KCNMA1: variants seen among roughly 807,000 people sequenced by gnomAD.
KCNMA1 encodes potassium calcium-activated channel subfamily M alpha 1.
Under a neutral mutation model 140.0 loss-of-function variants are expected in KCNMA1, and 29 were observed. That is an observed-to-expected ratio of 0.21 (90% confidence interval 0.15 to 0.28). KCNMA1 has a LOEUF of 0.28. Among genes scored for constraint, KCNMA1 ranks in the 10% least tolerant of loss-of-function variants. The probability of loss-of-function intolerance (pLI) is 1.00; values close to 1 mark genes in which losing one functional copy is unlikely to be tolerated. For missense variants in KCNMA1, 880 were observed against 1,602.2 expected (o/e 0.55, Z 7.70); for synonymous variants, 612 against 611.9 (o/e 1.00, Z 0.00).
intron 25 of KCNMA1, among the ~76,000 whole-genome samples, chr10:76,895,038 C>G (rs7067873): frequency 0.75 from 113,444 of 152,208 alleles, 42,998 homozygotes; most frequent in African/African-American, 0.87. Context: ...GACTGACCCG[C>G]ACTTAATCGG....
intron 19 of KCNMA1, chr10:76,980,595 G>T (rs1384329630): frequency 6.6e-6 from 1 of 152,152 alleles, no homozygotes; most frequent in African/African-American, 2.4e-5. Context: ...TACAAATATG[G>T]ATTTCTAACT....
intron 2 of KCNMA1, among the ~76,000 whole-genome samples, chr10:77,263,004 C>T (rs1179011666): frequency 6.6e-6 from 1 of 152,118 alleles, no homozygotes; most frequent in East Asian, 1.9e-4. Context: ...TATTTTACTG[C>T]AATTTACAAA....
intron 2 of KCNMA1, among the ~76,000 whole-genome samples, chr10:77,353,985 TG>T (rs2093210075): frequency 8.3e-5 from 1 of 11,996 alleles, no homozygotes; most frequent in Non-Finnish European, 2.2e-4. Context: ...GGGGGGGTGG[TG>T]GGGGTGGAGG....
intron 1 of KCNMA1, among the ~76,000 whole-genome samples, chr10:77,489,893 A>T (rs2098511157): frequency 6.6e-6 from 1 of 152,238 alleles, no homozygotes; most frequent in Non-Finnish European, 1.5e-5. Context: ...GCTCTGGTGC[A>T]GCTGTGCTGC....
chr10:77,483,303 C>T (rs940440800), intron 1 of KCNMA1, among the ~76,000 whole-genome samples: 3 of 152,198 alleles, frequency 2.0e-5, no homozygotes, highest in African/African-American at 7.2e-5. Flanking sequence ...GAAGGACATC[C>T]GGCAGTTTTC....
chr10:77,005,048 G>T (rs2087932560), intron 18 of KCNMA1, among the ~76,000 whole-genome samples: 1 of 152,160 alleles, frequency 6.6e-6, no homozygotes, highest in Non-Finnish European at 1.5e-5. Context: ...GTCACCCATT[G>T]TTCCCTTCCC....
At chr10:77,162,757 T>C (rs2098578662) in intron 5 of KCNMA1, among the ~76,000 whole-genome samples, 1 of 152,216 alleles carries the variant, frequency 6.6e-6, no homozygotes, top group African/African-American at 2.4e-5. Context: ...GGGAGAATGA[T>C]TCCATCTCCA....
chr10:77,183,766 C>G (rs1295996346), intron 4 of KCNMA1, among the ~76,000 whole-genome samples: 2 of 152,130 alleles, frequency 1.3e-5, no homozygotes, highest in East Asian at 3.9e-4. Flanking sequence ...GGATTACAGG[C>G]ATGAGTCACT....
At chr10:76,904,692 A>G (rs2152275773) in intron 25 of KCNMA1, 1 of 152,342 alleles carries the variant, frequency 6.6e-6, no homozygotes, top group South Asian at 2.1e-4. Flanking sequence ...TGCTCCTTCA[A>G]TAACGATGGT....
chr10:77,239,510 C>T (rs1277798072), intron 3 of KCNMA1, among the ~76,000 whole-genome samples: 1 of 152,174 alleles, frequency 6.6e-6, no homozygotes, highest in East Asian at 1.9e-4. Context: ...TAGATTCCAC[C>T]ATCAGAGGTC....
chr10:76,931,081 A>G (rs1233077803), intron 23 of KCNMA1, among the ~76,000 whole-genome samples: 1 of 152,268 alleles, frequency 6.6e-6, no homozygotes, highest in Middle Eastern at 3.4e-3. Context: ...AAGTGTGGTG[A>G]CTATAGTTGA....
At chr10:77,079,723 G>A in intron 12 of KCNMA1, 173 bp from the exon 13 acceptor site, 1 of 654,412 alleles carries the variant, frequency 1.5e-6, no homozygotes, top group Non-Finnish European at 2.8e-6. Context: ...AGCTGAAACA[G>A]GGATGGGGCA....
intron 1 of KCNMA1, among the ~76,000 whole-genome samples, chr10:77,428,748 T>G (rs1274817949): frequency 2.6e-5 from 4 of 152,100 alleles, no homozygotes; most frequent in Non-Finnish European, 5.9e-5. Context: ...AGAGAAAACA[T>G]GAAAGGCTGG....
chr10:77,297,784 C>T (rs2075565754), intron 2 of KCNMA1, among the ~76,000 whole-genome samples: 1 of 152,216 alleles, frequency 6.6e-6, no homozygotes, highest in South Asian at 2.1e-4. Flanking sequence ...CCTCTCCTTA[C>T]TCCCAAGATC....
In KCNMA1 at chr10:76,965,065, C is replaced by T. The variant is rs559214241; in HGVS notation, c.2360+4909G>A. ...TGAAAGTTTATAGGGTTGGTAAGGCCCCCAAATTAAGAACTCTTGACCTAG... is the reference window on the plus strand; with the variant it reads ...TGAAAGTTTATAGGGTTGGTAAGGCTCCCAAATTAAGAACTCTTGACCTAG... On this transcript the variant is annotated intron_variant, in intron 20 of 27. Transcript: ENST00000286628. Among the ~76,000 whole-genome samples the T allele has an allele frequency of 2.6e-5, 4 of 152,148 alleles. No homozygotes were observed. In the East Asian group the frequency reaches 5.8e-4, roughly 22 times the overall value.
chr10:77,522,846 A>G (rs1414993089), intron 1 of KCNMA1, among the ~76,000 whole-genome samples: 1 of 152,212 alleles, frequency 6.6e-6, no homozygotes, highest in African/African-American at 2.4e-5. Context: ...AATTTCCTTT[A>G]ATAAACCCAA....
chr10:77,636,905 C>T (rs943627652), intron 1 of KCNMA1: 22 of 1,420,028 alleles, frequency 1.5e-5, no homozygotes, highest in Non-Finnish European at 1.9e-5. Flanking sequence ...CAGCTGCCCC[C>T]AGCTTCCTCC....
intron 6 of KCNMA1, among the ~76,000 whole-genome samples, chr10:77,113,557 A>G (rs911208836): frequency 2.0e-5 from 3 of 152,112 alleles, no homozygotes; most frequent in African/African-American, 7.2e-5. Flanking sequence ...TCTGCCTGCC[A>G]GGTTCAAGCA....
chr10:77,616,087 C>T (rs939224929), intron 1 of KCNMA1, among the ~76,000 whole-genome samples: 2 of 152,218 alleles, frequency 1.3e-5, no homozygotes, highest in African/African-American at 2.4e-5. Context: ...GACTCAAACC[C>T]GCCTTTGACC....
Sources: gnomAD v4.1 joint callset for allele counts (sites outside exome capture counted in the v4.1 genomes callset) on GRCh38, gnomAD v4.1.1 for gene constraint, MANE v1.5 for transcripts, NCBI Gene and HGNC (gene_info 2026-07-23, HGNC 2026-07-21) for gene names.